Variants in JAML observed in about 807,000 individuals in gnomAD.
JAML encodes the protein junctional adhesion molecule-like.
Under a neutral mutation model 39.3 loss-of-function variants are expected in JAML, and 25 were observed. That is an observed-to-expected ratio of 0.64 (90% CI 0.46 to 0.89). The LOEUF is 0.89. JAML is among the 40% of genes least tolerant of loss of function. JAML has a pLI of 0.00. For missense variants in JAML, 440 were observed against 486.9 expected (o/e 0.90, Z 0.91); for synonymous variants, 162 against 179.2 (o/e 0.90, Z 0.77).
Position 118,193,804 on chromosome 11 carries a change from G to A in JAML, c.*521C>T, listed in dbSNP as rs992363727. ...TTCCCAGGACCAAAACCAGCCTCTAGTGTGTTAGCACGGTTTGGCTTTCCT... is the reference window on the plus strand; with the variant it reads ...TTCCCAGGACCAAAACCAGCCTCTAATGTGTTAGCACGGTTTGGCTTTCCT... On this transcript the variant is annotated 3_prime_UTR_variant, in exon 10 of 10. Coordinates refer to ENST00000356289, the MANE Select transcript of JAML (RefSeq NM_001098526.2). 1 of 159,594 alleles carries A rather than the reference G, an allele frequency of 6.3e-6. No homozygotes were observed. Among genetic ancestry groups the A allele is most frequent in the Non-Finnish European group, 1.4e-5 (1 of 71,754 alleles). The allele number at this position is 159,594 out of a possible 1,614,324, so 9.9% of individuals were successfully genotyped here.
chr11:118,212,710 G>T (rs1476150836), intron 2 of JAML, 149 bp from the exon 3 acceptor site: 3 of 1,503,892 alleles, frequency 2.0e-6, no homozygotes, highest in South Asian at 2.6e-5. Flanking sequence ...AGGCAGCATG[G>T]CATCCCTGTC....
intron 1 of JAML, among the ~76,000 whole-genome samples, chr11:118,224,639 C>A (rs1479880477): frequency 6.6e-6 from 1 of 152,182 alleles, no homozygotes; most frequent in Non-Finnish European, 1.5e-5. Flanking sequence ...CACAGCTCCA[C>A]CTAAACCCAC....
At chr11:118,215,302 A>T (rs1949125269) in intron 1 of JAML, among the ~76,000 whole-genome samples, 1 of 152,160 alleles carries the variant, frequency 6.6e-6, no homozygotes, top group South Asian at 2.1e-4. Flanking sequence ...ACAAACAAAA[A>T]ATTATAGGAT....
intron 2 of JAML, chr11:118,212,774 T>G (rs1949088453): frequency 1.3e-6 from 2 of 1,588,636 alleles, no homozygotes; most frequent in Admixed American, 3.6e-5. Flanking sequence ...CATACTACAA[T>G]AAATGCTATC....
intron 8 of JAML, 26 bp downstream of exon 8, chr11:118,197,972 T>A (rs746569574): frequency 6.3e-6 from 10 of 1,598,924 alleles, no homozygotes; most frequent in Non-Finnish European, 6.9e-6. Flanking sequence ...ATCTACTTAG[T>A]GTTTTAGGCT....
rs1948662476 is a variant in JAML, at chr11:118,196,662, C to T, written c.1092+73G>A. 1.4e-5 allele frequency: 20 copies of T among 1,385,258 alleles called. 1 individual carries two copies. In the South Asian group the frequency reaches 2.2e-4, roughly 15 times the overall value. 85.8% of individuals were successfully genotyped at this position (1,385,258 alleles called of 1,614,324 possible). ...GCCCTCAGCAGCCTCCCTTGGGCAA[C>T]CCAGCCACGCCCACCACCACCACCA... On this transcript the variant is annotated intron_variant, in intron 9 of 9. Coordinates refer to ENST00000356289, the MANE Select transcript of JAML (RefSeq NM_001098526.2).
chr11:118,216,018 G>T (rs1282546406), intron 1 of JAML, among the ~76,000 whole-genome samples: 1 of 152,106 alleles, frequency 6.6e-6, no homozygotes, highest in Non-Finnish European at 1.5e-5. Context: ...TAACAGCAAG[G>T]TACCCCACCC....
rs761373311 is a variant in JAML at position 118,212,577 on chromosome 11, GCAAGAGGACA to G, written c.44-26_44-17del. ...AAGGAATAATCTATAGAAGTCAAAG[GCAAGAGGACA>G]CATCATTTAGACAAATACTCTCAAC... On this transcript the variant is annotated splice_polypyrimidine_tract_variant and intron_variant, in intron 2 of 9. Transcript: ENST00000356289. 5.6e-6 allele frequency: 9 copies of G among 1,612,596 alleles called. No individual in the cohort carries two copies. In the African/African-American group the frequency reaches 1.2e-4, roughly 22 times the overall value.
intron 9 of JAML, among the ~76,000 whole-genome samples, chr11:118,196,312 G>T (rs1477673444): frequency 1.3e-5 from 2 of 150,872 alleles, no homozygotes; most frequent in Admixed American, 1.3e-4. Context: ...ATTTTTAGTA[G>T]AGAGGGAGTT....
chr11:118,198,497 T>C (rs1948707570), intron 7 of JAML, among the ~76,000 whole-genome samples: 1 of 151,956 alleles, frequency 6.6e-6, no homozygotes, highest in Admixed American at 6.6e-5. Context: ...AAGACGCCAA[T>C]CCGAAGGGCT....
chr11:118,216,172 C>A (rs1003671795), intron 1 of JAML, among the ~76,000 whole-genome samples: 1 of 151,992 alleles, frequency 6.6e-6, no homozygotes. Flanking sequence ...GAGATCGAGA[C>A]CATCCTGGCT....
chr11:118,197,651 C>A (rs1041387157), intron 8 of JAML: 11 of 218,696 alleles, frequency 5.0e-5, no homozygotes, highest in Admixed American at 4.8e-4. Flanking sequence ...CTTATGTGAA[C>A]CTTACAACAA....
Position 118,203,555 on chromosome 11 carries a change from A to T in JAML, c.645T>A (p.Asn215Lys), listed in dbSNP as rs772921496. 2 of 1,614,198 alleles carry T rather than the reference A, an allele frequency of 1.2e-6. No individual in the cohort carries two copies. Among genetic ancestry groups the T allele is most frequent in the African/African-American group, 1.3e-5 (1 of 75,054 alleles). ...RVNLVGDIFR[N>K]DGSIMLQGVR... ...CTCCTTGAAGCATGATGGAACCGTC[A>T]TTGCGGAAAATGTCCCCCACCAGGT... Residue 215 changes from asparagine to lysine, a missense_variant, in exon 6 of 10, where the codon AAT becomes AAA. Asn to Lys is a moderately conservative substitution (Grantham distance 94). Transcript: ENST00000356289.
chr11:118,197,002 C>T (rs149741960), intron 8 of JAML, 181 bp from the exon 9 acceptor site: 10 of 563,050 alleles, frequency 1.8e-5, no homozygotes, highest in African/African-American at 1.3e-4. Context: ...TGAAAATTAA[C>T]TGTCAAAGAA....
chr11:118,201,948 A>G, intron 6 of JAML: 1 of 152,414 alleles, frequency 6.6e-6, no homozygotes. Context: ...GGATTTGTGG[A>G]AAACTTGTGT....
At chr11:118,210,028 C>T (rs1010858411) in intron 4 of JAML, among the ~76,000 whole-genome samples, 2 of 152,112 alleles carry the variant, frequency 1.3e-5, no homozygotes, top group Admixed American at 6.5e-5. Context: ...CTGAGCCTGG[C>T]CTGCTTATTT....
chr11:118,210,867 C>A (rs1269711971), intron 3 of JAML, among the ~76,000 whole-genome samples, 155 bp from the exon 4 acceptor site: 1 of 152,152 alleles, frequency 6.6e-6, no homozygotes, highest in Non-Finnish European at 1.5e-5. Flanking sequence ...ATGTGCCAGG[C>A]AACAGTCTAA....
intron 7 of JAML, among the ~76,000 whole-genome samples, chr11:118,199,213 T>C (rs1380044077): frequency 6.6e-6 from 1 of 152,200 alleles, no homozygotes; most frequent in Non-Finnish European, 1.5e-5. Flanking sequence ...TAATTATTTC[T>C]TTAGAATAAA....
At chr11:118,218,633 A>G (rs1332411817) in intron 1 of JAML, among the ~76,000 whole-genome samples, 2 of 152,194 alleles carry the variant, frequency 1.3e-5, no homozygotes, top group East Asian at 3.9e-4. Context: ...AACACCTTGG[A>G]CATTTACCAA....
Sources: allele counts gnomAD v4.1 joint callset (sites outside exome capture counted in the v4.1 genomes callset), GRCh38; gene constraint gnomAD v4.1.1; transcripts MANE v1.5; gene names NCBI Gene and HGNC (gene_info 2026-07-23, HGNC 2026-07-21).